Variants in UBE2J1 observed in about 807,000 individuals in gnomAD.
UBE2J1 encodes the protein ubiquitin conjugating enzyme E2 J1.
In UBE2J1, 17 loss-of-function variants were observed where a neutral mutation model predicts 42.1. The observed-to-expected ratio is 0.40, with a 90% CI of 0.28 to 0.61. The LOEUF (loss-of-function observed/expected upper bound fraction) is 0.61. Ranked by LOEUF, UBE2J1 falls within the 20% of genes least tolerant of loss-of-function variation. The pLI, the probability that UBE2J1 is intolerant of heterozygous loss-of-function variation, is 0.38. For missense variants in UBE2J1, 291 were observed against 389.4 expected (o/e 0.75, Z 2.13); for synonymous variants, 127 against 137.2 (o/e 0.93, Z 0.52).
At chr6:89,341,082 G>A (rs1365463663) in intron 3 of UBE2J1, among the ~76,000 whole-genome samples, 4 of 152,220 alleles carry the variant, frequency 2.6e-5, no homozygotes, top group African/African-American at 9.6e-5. Flanking sequence ...GCCTAATTTG[G>A]TATTTATTGA....
At chr6:89,337,419 A>C (rs1768131468) in intron 5 of UBE2J1, among the ~76,000 whole-genome samples, 1 of 152,170 alleles carries the variant, frequency 6.6e-6, no homozygotes. Flanking sequence ...GTTGCTTATA[A>C]GACCAAGAAG....
rs761322840 is a variant in UBE2J1, at chr6:89,326,783, C to T, written c.*2896G>A. The T allele has an allele frequency of 6.6e-6, 1 of 152,130 alleles. No individual in the cohort carries two copies. Among genetic ancestry groups the T allele is most frequent in the Non-Finnish European group, 1.5e-5 (1 of 68,024 alleles). The allele number at this position is 152,130 out of a possible 1,614,324, so 9.4% of individuals were successfully genotyped here. The stretch of plus-strand genomic sequence containing the variant: ...CACATTAGTCTTTGTTAGTCACGTT[C>T]ACTAAATGCATTAACCTTACATATA... On this transcript the variant is annotated 3_prime_UTR_variant, in exon 8 of 8. Coordinates refer to ENST00000435041, the MANE Select transcript of UBE2J1 (RefSeq NM_016021.3).
In UBE2J1 at chr6:89,338,234, A is replaced by G; in HGVS notation, c.399T>C (p.Thr133=). 1 of 1,613,492 alleles carries G rather than the reference A, an allele frequency of 6.2e-7. No individual in the cohort carries two copies. The highest frequency in any genetic ancestry group is 8.5e-7 in the Non-Finnish European group (1 of 1,179,790). ...TGGCAAGTGCTCTTCTTTCCTCAGG[A>G]GTGTAATCTAGAGAACCTATGGCTC... ...GEGAIGSLDY[T]PEERRALAKK... The change falls in exon 5 of 8, where the codon ACT becomes ACC. Residue 133 remains threonine, a synonymous_variant. Coordinates refer to ENST00000435041, the MANE Select transcript of UBE2J1 (RefSeq NM_016021.3).
intron 2 of UBE2J1, among the ~76,000 whole-genome samples, chr6:89,343,214 A>T (rs890991569): frequency 2.0e-5 from 3 of 152,148 alleles, no homozygotes; most frequent in African/African-American, 4.8e-5. Context: ...AGGCGGGTGG[A>T]TCACGAGGTC....
intron 6 of UBE2J1, among the ~76,000 whole-genome samples, chr6:89,333,993 T>C (rs1237179992): frequency 1.3e-5 from 2 of 152,192 alleles, no homozygotes; most frequent in Admixed American, 6.5e-5. Flanking sequence ...TCTGTATGTA[T>C]GTATGTATTT....
At chr6:89,335,646 C>T (rs1768094069) in intron 5 of UBE2J1, among the ~76,000 whole-genome samples, 1 of 152,064 alleles carries the variant, frequency 6.6e-6, no homozygotes, top group Admixed American at 6.5e-5. Context: ...AAATCCAGGG[C>T]TCAGATGCTA....
At chr6:89,333,254 G>A (rs1477836782) in intron 6 of UBE2J1, 49 bp from the exon 7 acceptor site, 1 of 1,565,714 alleles carries the variant, frequency 6.4e-7, no homozygotes, top group East Asian at 2.3e-5. Flanking sequence ...GAAACAACAG[G>A]AAACATACAC....
chr6:89,330,389 G>A (rs528809401), intron 7 of UBE2J1, among the ~76,000 whole-genome samples: 67 of 152,118 alleles, frequency 4.4e-4, no homozygotes, highest in African/African-American at 1.2e-3. Flanking sequence ...GGGATCAAGC[G>A]ATCCTCCTGC....
chr6:89,343,333 G>T (rs891062854), intron 2 of UBE2J1, among the ~76,000 whole-genome samples: 5 of 151,606 alleles, frequency 3.3e-5, no homozygotes, highest in African/African-American at 1.2e-4. Flanking sequence ...TATTCAGGAG[G>T]CTGAGGCAGG....
At chr6:89,341,899 A>G (rs1348902020) in intron 3 of UBE2J1, among the ~76,000 whole-genome samples, 3 of 152,218 alleles carry the variant, frequency 2.0e-5, no homozygotes, top group Admixed American at 2.0e-4. Context: ...CATCCCACAT[A>G]AACTCAATGA....
intron 7 of UBE2J1, among the ~76,000 whole-genome samples, chr6:89,331,385 T>C (rs1209320231): frequency 6.6e-6 from 1 of 152,234 alleles, no homozygotes; most frequent in Admixed American, 6.5e-5. Flanking sequence ...AATTCTAAGT[T>C]TTATGTACTA....
At chr6:89,349,168 T>G (rs1334082095) in intron 1 of UBE2J1, among the ~76,000 whole-genome samples, 1 of 151,742 alleles carries the variant, frequency 6.6e-6, no homozygotes, top group Non-Finnish European at 1.5e-5. Flanking sequence ...GCCCAGGAGG[T>G]TGAGGCTGTA....
rs992348644 is a variant in UBE2J1, at chr6:89,328,094, A to G, written c.*1585T>C. ...AACACCTTTAAAATGCGAATTTATT[A>G]AAGTTTAAGACAATTCTGTATTATA... On this transcript the variant is annotated 3_prime_UTR_variant, in exon 8 of 8. Coordinates refer to ENST00000435041, the MANE Select transcript of UBE2J1 (RefSeq NM_016021.3). 5.3e-5 allele frequency: 8 copies of G among 152,242 alleles called. No individual in the cohort carries two copies. The South Asian group carries it at 8.3e-4, about 16-fold the overall frequency. The allele number at this position is 152,242 out of a possible 1,614,324, so 9.4% of individuals were successfully genotyped here.
intron 1 of UBE2J1, among the ~76,000 whole-genome samples, chr6:89,345,470 C>T (rs1291067841): frequency 2.0e-5 from 3 of 151,844 alleles, no homozygotes; most frequent in Non-Finnish European, 2.9e-5. Context: ...GGCATGGTGG[C>T]GGACGCCTGT....
chr6:89,343,770 C>G lies in UBE2J1; in HGVS notation c.32-14G>C, dbSNP rs779874009. Reference sequence around the variant, plus strand: ...AACGTTTAACAGCTAAAATAAAATTCATAAAATAGAGATATTTAAAATATA... The same window carrying G: ...AACGTTTAACAGCTAAAATAAAATTGATAAAATAGAGATATTTAAAATATA... On this transcript the variant is annotated splice_polypyrimidine_tract_variant and intron_variant, in intron 1 of 7. Coordinates refer to ENST00000435041, the MANE Select transcript of UBE2J1 (RefSeq NM_016021.3). The G allele has an allele frequency of 1.3e-6, 2 of 1,579,372 alleles. No homozygotes were observed. The highest frequency in any genetic ancestry group is 2.3e-5 in the South Asian group (2 of 87,488).
intron 1 of UBE2J1, among the ~76,000 whole-genome samples, chr6:89,349,244 G>C (rs994357516): frequency 2.6e-5 from 4 of 152,102 alleles, no homozygotes; most frequent in African/African-American, 9.7e-5. Context: ...AAGAAAATGA[G>C]GAAGAGCATA....
At position 89,338,237 on chromosome 6, in the gene UBE2J1, G is replaced by A. The variant is rs35213866; in HGVS notation, c.396C>T (p.Tyr132=). ...KGEGAIGSLD[Y]TPEERRALAK... ...CAAGTGCTCTTCTTTCCTCAGGAGT[G>A]TAATCTAGAGAACCTATGGCTCCCT... Residue 132 remains tyrosine, a synonymous_variant, in exon 5 of 8, where the codon TAC becomes TAT. Transcript: ENST00000435041. 11,053 of 1,613,574 alleles carry A rather than the reference G, an allele frequency of 6.9e-3. 47 individuals are homozygous for A. The highest frequency in any genetic ancestry group is 7.7e-3 in the Non-Finnish European group (9,140 of 1,179,752).
intron 3 of UBE2J1, among the ~76,000 whole-genome samples, chr6:89,340,464 T>G (rs938331632): frequency 5.3e-5 from 8 of 152,128 alleles, no homozygotes; most frequent in African/African-American, 1.9e-4. Context: ...CACAGTAGAG[T>G]GTCTCCAGGA....
chr6:89,350,896 T>TC (rs1393096959), intron 1 of UBE2J1, among the ~76,000 whole-genome samples: 1 of 152,070 alleles, frequency 6.6e-6, no homozygotes, highest in East Asian at 1.9e-4. Context: ...ACCTCTGCTG[T>TC]CCTAAGGAAC....
Sources: gnomAD v4.1 joint callset for allele counts (sites outside exome capture counted in the v4.1 genomes callset) on GRCh38, gnomAD v4.1.1 for gene constraint, MANE v1.5 for transcripts, NCBI Gene and HGNC (gene_info 2026-07-23, HGNC 2026-07-21) for gene names.